Variants in MGAT4C observed in about 807,000 individuals in gnomAD.
The protein encoded by MGAT4C is alpha-1,3-mannosyl-glycoprotein 4-beta-N-acetylglucosaminyltransferase C.
Under a neutral mutation model 40.1 loss-of-function variants are expected in MGAT4C, and 19 were observed. The observed-to-expected ratio is 0.47, with a 90% CI of 0.33 to 0.70. MGAT4C has a LOEUF of 0.70. Among genes scored for constraint, MGAT4C ranks in the 30% least tolerant of loss-of-function variants. MGAT4C has a pLI of 0.02. For synonymous variants in MGAT4C, 181 were observed against 187.1 expected (o/e 0.97, Z 0.27); for missense variants, 491 against 563.2 (o/e 0.87, Z 1.30).
chr12:86,680,030 T>G (rs943666680), intron 2 of MGAT4C, among the ~76,000 whole-genome samples: 6 of 151,940 alleles, frequency 3.9e-5, no homozygotes, highest in Non-Finnish European at 8.8e-5. Context: ...TCTTGCTACC[T>G]CTTTCTATCC....
At chr12:86,593,686 T>C (rs529687444) in intron 2 of MGAT4C, among the ~76,000 whole-genome samples, 15 of 152,348 alleles carry the variant, frequency 9.8e-5, no homozygotes, top group Admixed American at 9.8e-4. Flanking sequence ...CTATATTGAT[T>C]TCTAATTTCA....
At chr12:86,680,578 T>G (rs1267901507) in intron 2 of MGAT4C, among the ~76,000 whole-genome samples, 1 of 152,086 alleles carries the variant, frequency 6.6e-6, no homozygotes, top group Non-Finnish European at 1.5e-5. Context: ...TAGGGTTGCA[T>G]AGTTTCACAG....
chr12:86,503,805 T>TATATATATAC lies in MGAT4C; in HGVS notation c.-228-68541_-228-68540insGTATATATAT, dbSNP rs1333608482. Among the ~76,000 whole-genome samples, 2 of 126,094 alleles carry TATATATATAC rather than the reference T, an allele frequency of 1.6e-5. 1 individual carries two copies. Among genetic ancestry groups the TATATATATAC allele is most frequent in the Admixed American group, 1.7e-4 (2 of 12,026 alleles). 82.7% of individuals were successfully genotyped at this position (126,094 alleles called of 152,430 possible). ...TTCTGCTCATATATATATATATATA[T>TATATATATAC]ATATATATGAGTTCTGCTCAATTTT... is the stretch of plus-strand genomic sequence containing the variant. On this transcript the variant is annotated intron_variant, in intron 2 of 7. Transcript: ENST00000548651.
chr12:85,980,138 G>T lies in MGAT4C; in HGVS notation c.588C>A (p.Val196=). The change falls in exon 5 of 5, where the codon GTC becomes GTA. Residue 196 remains valine (V), a synonymous_variant. Coordinates refer to ENST00000611864, the MANE Select transcript of MGAT4C (RefSeq NM_001351288.2). ...CTACATTTTGCTTGGAACGAAATTTGACTCTATCTTCTGGATCATTGTAAT... is the reference window on the plus strand; with the variant it reads ...CTACATTTTGCTTGGAACGAAATTTTACTCTATCTTCTGGATCATTGTAAT... ...KRNYNDPEDR[V]KFRSKQNVDY... The T allele has an allele frequency of 6.2e-7, 1 of 1,613,944 alleles. No individual in the cohort carries two copies. The highest frequency in any genetic ancestry group is 8.5e-7 in the Non-Finnish European group (1 of 1,179,896).
intron 2 of MGAT4C, among the ~76,000 whole-genome samples, chr12:86,484,745 T>G (rs549177734): frequency 6.6e-6 from 1 of 152,232 alleles, no homozygotes; most frequent in Non-Finnish European, 1.5e-5. Context: ...CAGCCTTTCC[T>G]GAGAGAGCCC....
intron 1 of MGAT4C, among the ~76,000 whole-genome samples, chr12:86,231,766 A>G (rs1951332552): frequency 6.6e-6 from 1 of 152,204 alleles, no homozygotes; most frequent in African/African-American, 2.4e-5. Flanking sequence ...ATTGTTGACA[A>G]TGAATATGCT....
chr12:86,420,145 G>A (rs966278788), intron 3 of MGAT4C, among the ~76,000 whole-genome samples: 1 of 151,774 alleles, frequency 6.6e-6, no homozygotes, highest in East Asian at 1.9e-4. Flanking sequence ...TGGGAGGGTG[G>A]GGTGGGGGAA....
rs1173735855 is a variant in MGAT4C at position 85,964,916 on chromosome 12, C to A, written c.*14373G>T. The A allele has an allele frequency of 1.3e-5, 2 of 151,964 alleles. No homozygotes were observed. The highest frequency in any genetic ancestry group is 4.2e-4 in the South Asian group (2 of 4,816). 9.4% of individuals were successfully genotyped at this position (151,964 alleles called of 1,614,324 possible). A position where few individuals can be genotyped will look rare whatever the true frequency, so the allele number is the denominator to read the frequency against. On this transcript the variant is annotated 3_prime_UTR_variant, in exon 5 of 5. Transcript: ENST00000611864. ...TCACTTTTATGTAAGATAGTGAGGC[C>A]CCAGAGAGCCCTCGAGAAATGCAAA... is the stretch of plus-strand genomic sequence containing the variant.
rs543958767 is a variant in MGAT4C, at chr12:86,432,891, C to CT, written c.-120+2265dup. Reference sequence around the variant, plus strand: ...AAACTTTATAATATTTCCTGTTCAACTTTTTTTTTCATAAAATTGAAGTTA... The same window carrying CT: ...AAACTTTATAATATTTCCTGTTCAACTTTTTTTTTTCATAAAATTGAAGTTA... On this transcript the variant is annotated intron_variant, in intron 3 of 7. Transcript: ENST00000548651. Among the ~76,000 whole-genome samples, 100 of 151,298 alleles carry CT rather than the reference C, an allele frequency of 6.6e-4. 1 individual carries two copies. Among genetic ancestry groups the CT allele is most frequent in the Non-Finnish European group, 1.1e-3 (77 of 67,732 alleles).
chr12:86,174,713 C>T (rs1236292126), intron 1 of MGAT4C, among the ~76,000 whole-genome samples: 1 of 152,086 alleles, frequency 6.6e-6, no homozygotes, highest in African/African-American at 2.4e-5. Context: ...AAAACTTCAT[C>T]TTAGGATTAA....
At chr12:86,051,664 T>C (rs937497291) in intron 1 of MGAT4C, among the ~76,000 whole-genome samples, 1 of 151,616 alleles carries the variant, frequency 6.6e-6, no homozygotes, top group Non-Finnish European at 1.5e-5. Flanking sequence ...TGAATGAAAA[T>C]GAATATTTTA....
At chr12:86,265,936 A>G (rs920100840) in intron 4 of MGAT4C, among the ~76,000 whole-genome samples, 3 of 152,142 alleles carry the variant, frequency 2.0e-5, no homozygotes, top group Non-Finnish European at 4.4e-5. Context: ...TTTGGTTCTC[A>G]GCTAAATTGT....
At chr12:86,096,451 T>TA (rs949708368) in intron 1 of MGAT4C, among the ~76,000 whole-genome samples, 6 of 150,952 alleles carry the variant, frequency 4.0e-5, no homozygotes, top group East Asian at 3.9e-4. Flanking sequence ...TCTTTCATAT[T>TA]AAAAAAATCC....
At chr12:86,342,061 G>C (rs191726228) in intron 3 of MGAT4C, among the ~76,000 whole-genome samples, 1 of 151,990 alleles carries the variant, frequency 6.6e-6, no homozygotes, top group Non-Finnish European at 1.5e-5. Context: ...TCTCTGGGGG[G>C]GACCTCTCAA....
chr12:86,082,319 C>A (rs1229618841), intron 1 of MGAT4C, among the ~76,000 whole-genome samples: 2 of 152,120 alleles, frequency 1.3e-5, no homozygotes, highest in South Asian at 2.1e-4. Flanking sequence ...AATTTCACCT[C>A]AAAAATCTTA....
At position 86,733,213 on chromosome 12, in the gene MGAT4C, T is replaced by G. The variant is rs74998234; in HGVS notation, c.-261-5972A>C. Among the ~76,000 whole-genome samples the G allele has an allele frequency of 3.4e-3, 519 of 152,166 alleles. 2 individuals are homozygous for G. Among genetic ancestry groups the G allele is most frequent in the African/African-American group, 0.012 (497 of 41,540 alleles). Reference sequence around the variant, plus strand: ...TTTTCTGCTATCATTGAGAAGTACATGAGATTTTGACAGAACCCACAGAAC... The same window carrying G: ...TTTTCTGCTATCATTGAGAAGTACAGGAGATTTTGACAGAACCCACAGAAC... On this transcript the variant is annotated intron_variant, in intron 1 of 7. Transcript: ENST00000548651.
chr12:86,269,589 G>A (rs144531637), intron 4 of MGAT4C, among the ~76,000 whole-genome samples: 5 of 151,272 alleles, frequency 3.3e-5, no homozygotes, highest in African/African-American at 9.7e-5. Flanking sequence ...GTTGCCAGGT[G>A]TAGAAGAGAT....
intron 2 of MGAT4C, among the ~76,000 whole-genome samples, chr12:86,655,020 C>T (rs1045211765): frequency 2.0e-5 from 3 of 151,840 alleles, no homozygotes; most frequent in African/African-American, 4.8e-5. Context: ...TTGACTTATA[C>T]GTGTCTTGAA....
intron 2 of MGAT4C, among the ~76,000 whole-genome samples, chr12:86,521,027 C>T (rs1760301015): frequency 6.6e-6 from 1 of 152,102 alleles, no homozygotes; most frequent in Non-Finnish European, 1.5e-5. Flanking sequence ...GTTGTGTGTT[C>T]ACTCTGTAGA....
Sources: gnomAD v4.1 joint callset for allele counts (sites outside exome capture counted in the v4.1 genomes callset) on GRCh38, gnomAD v4.1.1 for gene constraint, MANE v1.5 for transcripts, NCBI Gene and HGNC (gene_info 2026-07-23, HGNC 2026-07-21) for gene names.